GRID2: variants seen among roughly 807,000 people sequenced by gnomAD.
GRID2 encodes the protein glutamate receptor ionotropic, delta-2.
GRID2 carries 33 observed loss-of-function variants against 114.8 expected under a neutral mutation model. The ratio of observed to expected loss-of-function variants is 0.29; its 90% CI spans 0.22 to 0.38. The LOEUF (loss-of-function observed/expected upper bound fraction) is 0.38, where lower values mean the gene tolerates loss of function less well. Among genes scored for constraint, GRID2 ranks in the 10% least tolerant of loss-of-function variants. GRID2 has a pLI of 1.00. For missense variants in GRID2, 1,184 were observed against 1,257.7 expected (o/e 0.94, Z 0.89); for synonymous variants, 505 against 449.9 (o/e 1.12, Z -1.55).
At chr4:93,629,748 TAA>T (rs543902413) in intron 14 of GRID2, among the ~76,000 whole-genome samples, 63 of 152,298 alleles carry the variant, frequency 4.1e-4, no homozygotes, top group East Asian at 1.2e-3. Context: ...TCTAAAATAT[TAA>T]GTTACTTTAA....
At chr4:93,314,644 C>G (rs1008816143) in intron 8 of GRID2, among the ~76,000 whole-genome samples, 1 of 151,960 alleles carries the variant, frequency 6.6e-6, no homozygotes, top group Non-Finnish European at 1.5e-5. Context: ...ACAACTACCC[C>G]TCTCCTCCTT....
intron 13 of GRID2, among the ~76,000 whole-genome samples, chr4:93,589,606 T>A (rs1319321799): frequency 6.6e-6 from 1 of 152,004 alleles, no homozygotes; most frequent in Non-Finnish European, 1.5e-5. Context: ...TTTCTAGTTC[T>A]AGATCCCTGA....
Position 92,363,514 on chromosome 4 carries a change from T to C in GRID2, c.88+58770T>C, listed in dbSNP as rs372456361. On this transcript the variant is annotated intron_variant, in intron 1 of 15. Coordinates refer to ENST00000282020, the MANE Select transcript of GRID2 (RefSeq NM_001510.4). Reference sequence around the variant, plus strand: ...CTAAGTAGTCATACACTCTTCAAAATTGATACACAATGACTGAAAGGATTA... The same window carrying C: ...CTAAGTAGTCATACACTCTTCAAAACTGATACACAATGACTGAAAGGATTA... Among the ~76,000 whole-genome samples, 157 of 152,176 alleles carry C rather than the reference T, an allele frequency of 1.0e-3. 4 individuals carry two copies. In the South Asian group the frequency reaches 0.026, roughly 26 times the overall value.
chr4:93,034,836 CTT>C (rs1381183161), intron 2 of GRID2, among the ~76,000 whole-genome samples: 1 of 152,128 alleles, frequency 6.6e-6, no homozygotes, highest in Non-Finnish European at 1.5e-5. Context: ...TCTCCATAAA[CTT>C]TACTCAGTGG....
intron 11 of GRID2, among the ~76,000 whole-genome samples, chr4:93,484,016 AT>A (rs567989582): frequency 6.6e-6 from 1 of 151,444 alleles, no homozygotes; most frequent in Non-Finnish European, 1.5e-5. Context: ...GAAAATGCAT[AT>A]TTTTTTTCTA....
chr4:93,287,522 G>T lies in GRID2; in HGVS notation c.1245+49032G>T, dbSNP rs1410960408. Among the ~76,000 whole-genome samples the T allele has an allele frequency of 2.0e-5, 3 of 152,126 alleles. No homozygotes were observed. In the East Asian group the frequency reaches 5.8e-4, roughly 29 times the overall value. ...TAGTGCTACAGCCACTGAGAGAAGA[G>T]ACTATGTCTTCGGAGAATTTTCTAT... On this transcript the variant is annotated intron_variant, in intron 8 of 15. Coordinates refer to ENST00000282020, the MANE Select transcript of GRID2 (RefSeq NM_001510.4).
chr4:92,872,314 A>C (rs1473503479), intron 2 of GRID2, among the ~76,000 whole-genome samples: 1 of 152,198 alleles, frequency 6.6e-6, no homozygotes, highest in African/African-American at 2.4e-5. Flanking sequence ...TATAAATGGC[A>C]ATTAGTTAAA....
At chr4:93,168,310 A>C (rs146424308) in intron 4 of GRID2, among the ~76,000 whole-genome samples, 1 of 151,886 alleles carries the variant, frequency 6.6e-6, no homozygotes, top group Admixed American at 6.6e-5. Flanking sequence ...AGAAAGAAAG[A>C]CTTTTGTTAA....
intron 14 of GRID2, among the ~76,000 whole-genome samples, chr4:93,753,541 T>A (rs1289961205): frequency 6.6e-6 from 1 of 152,112 alleles, no homozygotes; most frequent in Non-Finnish European, 1.5e-5. Context: ...CCCCACCCTG[T>A]GTCCAAGTGT....
chr4:93,556,551 T>C (rs1435268613), intron 13 of GRID2, among the ~76,000 whole-genome samples: 1 of 151,780 alleles, frequency 6.6e-6, no homozygotes, highest in Admixed American at 6.6e-5. Flanking sequence ...AAGACAAGAT[T>C]AGAGAAAAAA....
intron 8 of GRID2, chr4:93,305,971 C>T (rs576117872): frequency 1.3e-5 from 2 of 152,322 alleles, no homozygotes; most frequent in African/African-American, 4.8e-5. Context: ...TCCCATAGGA[C>T]TCTACTTGGA....
intron 2 of GRID2, among the ~76,000 whole-genome samples, chr4:93,069,191 T>A (rs1396416067): frequency 6.6e-6 from 1 of 151,794 alleles, no homozygotes; most frequent in Admixed American, 6.6e-5. Flanking sequence ...AACATTAGTT[T>A]TGGGTGGGGA....
chr4:93,064,326 T>C (rs932794680), intron 2 of GRID2, among the ~76,000 whole-genome samples: 1 of 151,714 alleles, frequency 6.6e-6, no homozygotes, highest in Non-Finnish European at 1.5e-5. Flanking sequence ...TGCTTTGAAA[T>C]AGTAATGTGA....
chr4:93,076,722 A>G (rs997018910), intron 2 of GRID2, among the ~76,000 whole-genome samples: 1 of 149,890 alleles, frequency 6.7e-6, no homozygotes, highest in East Asian at 2.0e-4. Flanking sequence ...GGTTCAAGCA[A>G]TTCTCCTGCC....
chr4:92,686,297 C>G (rs764910491), intron 2 of GRID2, among the ~76,000 whole-genome samples: 17 of 146,654 alleles, frequency 1.2e-4, no homozygotes, highest in Non-Finnish European at 2.6e-4. Context: ...AGGAATATAT[C>G]TTAATTGGTA....
chr4:93,110,949 C>T lies in GRID2; in HGVS notation c.731C>T (p.Thr244Ile), dbSNP rs376815343. 17 of 1,598,338 alleles carry T rather than the reference C, an allele frequency of 1.1e-5. No homozygotes were observed. Among genetic ancestry groups the T allele is most frequent in the Non-Finnish European group, 1.4e-5 (16 of 1,165,736 alleles). ...CCTGCTACAGCCAAATCCTTCATTA[C>T]TGAGGTAAGTGAAAATTGTCTTGGG... ...MNPATAKSFI[T>I]EVVETNLVAF... is the part of the protein sequence containing the mutation. The change falls in exon 4 of 16, where the codon ACT becomes ATT. Residue 244 changes from threonine (T) to isoleucine (I), a missense_variant. Thr to Ile is a moderately conservative substitution (Grantham distance 89, BLOSUM62 -1). Transcript: ENST00000282020.
chr4:93,393,882 T>C (rs938462047), intron 8 of GRID2, among the ~76,000 whole-genome samples: 1 of 152,002 alleles, frequency 6.6e-6, no homozygotes, highest in African/African-American at 2.4e-5. Context: ...GAAATTCCTG[T>C]GTGTGCTTTG....
intron 1 of GRID2, among the ~76,000 whole-genome samples, chr4:92,382,350 TA>T (rs1729660023): frequency 6.6e-6 from 1 of 151,940 alleles, no homozygotes; most frequent in South Asian, 2.1e-4. Context: ...CAGAGTTCAG[TA>T]TGGGAGGAGG....
chr4:92,461,647 A>G (rs1721501069), intron 1 of GRID2, among the ~76,000 whole-genome samples: 1 of 151,998 alleles, frequency 6.6e-6, no homozygotes, highest in South Asian at 2.1e-4. Flanking sequence ...TACCCTAATT[A>G]TACTTTCATT....
Sources: gnomAD v4.1 joint callset for allele counts (sites outside exome capture counted in the v4.1 genomes callset) on GRCh38, gnomAD v4.1.1 for gene constraint, MANE v1.5 for transcripts, NCBI Gene and HGNC (gene_info 2026-07-23, HGNC 2026-07-21) for gene names.